The following CDH10 variants were observed in gnomAD, a reference collection of about 807,000 sequenced individuals.
CDH10 encodes cadherin-10.
Under a neutral mutation model 73.1 loss-of-function variants are expected in CDH10, and 30 were observed. The ratio of observed to expected loss-of-function variants is 0.41; its 90% confidence interval spans 0.31 to 0.56. CDH10 has a LOEUF of 0.56. CDH10 is among the 20% of genes least tolerant of loss of function. CDH10 has a pLI of 0.27. For missense variants in CDH10, 815 were observed against 973.7 expected (o/e 0.84, Z 2.17); for synonymous variants, 345 against 348.2 (o/e 0.99, Z 0.10).
chr5:24,548,188 C>T (rs983048117), intron 2 of CDH10, among the ~76,000 whole-genome samples: 19 of 151,534 alleles, frequency 1.3e-4, no homozygotes, highest in Middle Eastern at 3.4e-3. Flanking sequence ...AGTGCAGTGG[C>T]GTGATTTCAG....
rs2111640465 is a variant in CDH10, at chr5:24,491,753, C to T, written c.1699G>A (p.Val567Met). ...ATTGGGTAATCATTGTCTGATATCACCACAGGCAAGAGATAGGTACTGATT... is the reference window on the plus strand; with the variant it reads ...ATTGGGTAATCATTGTCTGATATCATCACAGGCAAGAGATAGGTACTGATT... ...HEISTYLLPV[V>M]ISDNDYPIQS... Residue 567 changes from valine to methionine, a missense_variant, in exon 11 of 12, where the codon GTG (valine) becomes ATG (methionine). Val to Met is a conservative substitution (Grantham distance 21). Coordinates refer to ENST00000264463, the MANE Select transcript of CDH10 (RefSeq NM_006727.5). The T allele has an allele frequency of 1.9e-6, 3 of 1,610,792 alleles. No individual in the cohort carries two copies. Among genetic ancestry groups the T allele is most frequent in the Non-Finnish European group, 2.5e-6 (3 of 1,177,080 alleles).
intron 5 of CDH10, among the ~76,000 whole-genome samples, chr5:24,525,355 A>G (rs1015468993): frequency 6.6e-6 from 1 of 152,094 alleles, no homozygotes; most frequent in African/African-American, 2.4e-5. Flanking sequence ...TGAATCAACA[A>G]AATAATTTAA....
At chr5:24,605,274 G>A (rs924941825) in intron 1 of CDH10, among the ~76,000 whole-genome samples, 3 of 152,178 alleles carry the variant, frequency 2.0e-5, no homozygotes, top group Non-Finnish European at 2.9e-5. Context: ...GTTAGGAACC[G>A]GGCCACACAG....
chr5:24,489,268 T>C (rs903502878), intron 11 of CDH10, among the ~76,000 whole-genome samples: 75 of 152,246 alleles, frequency 4.9e-4, no homozygotes, highest in African/African-American at 1.7e-3. Context: ...TTAAGTTATG[T>C]TTTCTTTTTT....
At chr5:24,511,903 C>T (rs1221891485) in intron 5 of CDH10, among the ~76,000 whole-genome samples, 5 of 152,052 alleles carry the variant, frequency 3.3e-5, no homozygotes, top group South Asian at 2.1e-4. Flanking sequence ...AAATGTCACA[C>T]GTTATCACTC....
At chr5:24,608,439 C>T (rs1305494454) in intron 1 of CDH10, among the ~76,000 whole-genome samples, 3 of 151,844 alleles carry the variant, frequency 2.0e-5, no homozygotes, top group Admixed American at 6.6e-5. Context: ...ACTAGAGGTG[C>T]GCACCACCAC....
intron 9 of CDH10, among the ~76,000 whole-genome samples, chr5:24,493,228 C>T (rs915912987): frequency 1.3e-5 from 2 of 151,834 alleles, no homozygotes; most frequent in African/African-American, 4.8e-5. Flanking sequence ...TGCATTTACA[C>T]ATTGATCTGG....
chr5:24,556,982 T>C (rs1744790667), intron 2 of CDH10, among the ~76,000 whole-genome samples: 1 of 151,784 alleles, frequency 6.6e-6, no homozygotes, highest in Admixed American at 6.6e-5. Context: ...TATTTTTCTT[T>C]AAAAAAGTAC....
intron 5 of CDH10, among the ~76,000 whole-genome samples, chr5:24,526,050 T>C (rs1028669261): frequency 3.3e-5 from 5 of 152,070 alleles, no homozygotes; most frequent in Non-Finnish European, 7.4e-5. Context: ...TTCTTTACAA[T>C]GGATCTCACC....
chr5:24,572,400 G>A (rs923787195), intron 2 of CDH10, among the ~76,000 whole-genome samples: 3 of 152,070 alleles, frequency 2.0e-5, no homozygotes, highest in African/African-American at 7.3e-5. Flanking sequence ...GAGATAGCCG[G>A]AAGCTATCTG....
intron 1 of CDH10, among the ~76,000 whole-genome samples, chr5:24,632,751 G>A (rs1039895234): frequency 1.6e-4 from 24 of 151,866 alleles, no homozygotes; most frequent in African/African-American, 5.3e-4. Context: ...TTCCCATTTA[G>A]GGCTATTCTG....
At chr5:24,546,471 C>T (rs909761818) in intron 2 of CDH10, among the ~76,000 whole-genome samples, 2 of 152,082 alleles carry the variant, frequency 1.3e-5, no homozygotes, top group African/African-American at 4.8e-5. Context: ...TGATTTGCGT[C>T]CTCCCTCATG....
chr5:24,557,894 A>C (rs559492698), intron 2 of CDH10, among the ~76,000 whole-genome samples: 5 of 151,924 alleles, frequency 3.3e-5, no homozygotes, highest in African/African-American at 1.2e-4. Context: ...GCAAGAACCA[A>C]ATTTAATTGT....
In CDH10 at chr5:24,541,749, G is replaced by T. The variant is rs956842297; in HGVS notation, c.232-4075C>A. ...CATTTGTGTCACACATTTTTAAAAAGAATTTTATGTTAATACTGACCTTTT... is the reference window on the plus strand; with the variant it reads ...CATTTGTGTCACACATTTTTAAAAATAATTTTATGTTAATACTGACCTTTT... On this transcript the variant is annotated intron_variant, in intron 2 of 11. Coordinates refer to ENST00000264463, the MANE Select transcript of CDH10 (RefSeq NM_006727.5). 5.9e-5 allele frequency among the ~76,000 whole-genome samples: 9 copies of T among 151,920 alleles called. 1 individual carries two copies. Among genetic ancestry groups the T allele is most frequent in the East Asian group, 5.8e-4 (3 of 5,180 alleles).
chr5:24,523,439 TAATC>T (rs909354310), intron 5 of CDH10, among the ~76,000 whole-genome samples: 1 of 151,354 alleles, frequency 6.6e-6, no homozygotes, highest in African/African-American at 2.5e-5. Flanking sequence ...ATAGAAGAAA[TAATC>T]AGTTTATGAT....
chr5:24,581,919 A>C (rs1745817087), intron 2 of CDH10, among the ~76,000 whole-genome samples: 1 of 152,214 alleles, frequency 6.6e-6, no homozygotes, highest in African/African-American at 2.4e-5. Context: ...TATTGAGAAA[A>C]ATGAGAATAA....
At chr5:24,531,294 C>G (rs538331474) in intron 5 of CDH10, among the ~76,000 whole-genome samples, 1 of 152,162 alleles carries the variant, frequency 6.6e-6, no homozygotes, top group Non-Finnish European at 1.5e-5. Context: ...TTGCCAGTCA[C>G]TGATGCTTTT....
At chr5:24,634,556 T>C (rs1747808872) in intron 1 of CDH10, among the ~76,000 whole-genome samples, 1 of 151,764 alleles carries the variant, frequency 6.6e-6, no homozygotes, top group Non-Finnish European at 1.5e-5. Context: ...CAGCATTTAA[T>C]CAAGATGATA....
intron 2 of CDH10, among the ~76,000 whole-genome samples, chr5:24,586,420 T>G (rs891087179): frequency 2.0e-5 from 3 of 147,492 alleles, no homozygotes; most frequent in African/African-American, 4.9e-5. Flanking sequence ...AAAATTTACA[T>G]GCTTTATTAA....
Sources: allele counts gnomAD v4.1 joint callset (sites outside exome capture counted in the v4.1 genomes callset), GRCh38; gene constraint gnomAD v4.1.1; transcripts MANE v1.5; gene names NCBI Gene and HGNC (gene_info 2026-07-23, HGNC 2026-07-21).